The following TOP3A variants were observed in gnomAD, a reference collection of about 807,000 sequenced individuals.
TOP3A encodes the protein DNA topoisomerase III alpha.
A neutral mutation model predicts 111.3 loss-of-function variants in TOP3A; 64 were observed. The observed-to-expected ratio is 0.57, with a 90% CI of 0.47 to 0.71. TOP3A has a LOEUF of 0.71. Among genes scored for constraint, TOP3A ranks in the 30% least tolerant of loss-of-function variants. TOP3A has a pLI of 0.00. For missense variants in TOP3A, 1,104 were observed against 1,285.0 expected (o/e 0.86, Z 2.15); for synonymous variants, 484 against 485.1 (o/e 1.00, Z 0.03).
At chr17:18,284,224 G>C (rs1255864975) in intron 15 of TOP3A, among the ~76,000 whole-genome samples, 1 of 150,974 alleles carries the variant, frequency 6.6e-6, no homozygotes, top group African/African-American at 2.4e-5. Flanking sequence ...GTGTTGGCCA[G>C]GCTGGTCTTG....
chr17:18,308,728 C>T, intron 2 of TOP3A, 154 bp downstream of exon 2: 1 of 491,308 alleles, frequency 2.0e-6, no homozygotes, highest in Non-Finnish European at 3.6e-6. Flanking sequence ...AAAGAGAACT[C>T]CTCATAAATT....
At chr17:18,308,289 T>C in intron 3 of TOP3A, 62 bp downstream of exon 3, 1 of 965,824 alleles carries the variant, frequency 1.0e-6, no homozygotes. Context: ...TGCCTCAAAA[T>C]TCCTGTGAAA....
At position 18,290,776 on chromosome 17, in the gene TOP3A, C is replaced by G. The variant is rs1475044810; in HGVS notation, c.1467+66G>C. The G allele has an allele frequency of 1.9e-6, 3 of 1,592,690 alleles. No homozygotes were observed. The South Asian group carries it at 3.4e-5, about 18-fold the overall frequency. On this transcript the variant is annotated intron_variant, in intron 12 of 18. Coordinates refer to ENST00000321105, the MANE Select transcript of TOP3A (RefSeq NM_004618.5). The stretch of plus-strand genomic sequence containing the variant: ...TCATTTCAAGGAACATGATCCTGCT[C>G]CACTAGAGAACTCAGGGCTCACAAC...
At chr17:18,309,955 C>G (rs1295895317) in intron 1 of TOP3A, among the ~76,000 whole-genome samples, 2 of 151,552 alleles carry the variant, frequency 1.3e-5, no homozygotes, top group Non-Finnish European at 2.9e-5. Flanking sequence ...CGTGATCCAC[C>G]TGCCTCGGCC....
chr17:18,303,959 T>G (rs1178951252), intron 5 of TOP3A, among the ~76,000 whole-genome samples: 12 of 152,138 alleles, frequency 7.9e-5, no homozygotes, highest in Non-Finnish European at 1.0e-4. Flanking sequence ...AATACTAAAA[T>G]GCTCTTGGTG....
chr17:18,308,223 C>CAAAAAA lies in TOP3A; in HGVS notation c.314+122_314+127dup, dbSNP rs201230376. 2.1e-4 allele frequency: 52 copies of CAAAAAA among 245,766 alleles called. 3 individuals are homozygous for CAAAAAA. In the East Asian group the frequency reaches 2.5e-3, roughly 12 times the overall value. The allele number at this position is 245,766 out of a possible 1,614,324, so 15.2% of individuals were successfully genotyped here. A position where few individuals can be genotyped will look rare whatever the true frequency, so the allele number is the denominator to read the frequency against. ...TCTCACTCTGAAACTTTGTCTCCAA[C>CAAAAAA]AAAAAAAAAAAAAAAAAAAAAAAAA... On this transcript the variant is annotated intron_variant, in intron 3 of 18. Coordinates refer to ENST00000321105, the MANE Select transcript of TOP3A (RefSeq NM_004618.5).
intron 9 of TOP3A, among the ~76,000 whole-genome samples, chr17:18,298,606 T>TAGA: frequency 6.6e-6 from 1 of 151,510 alleles, no homozygotes; most frequent in East Asian, 1.9e-4. Context: ...TTTTGTGGAA[T>TAGA]AGAAAGGGGG....
Position 18,292,812 on chromosome 17 carries a change from T to C in TOP3A, c.1114A>G (p.Arg372Gly), listed in dbSNP as rs1266020530. Reference protein sequence around the residue: ...YPRTETNIFPRDLNLTVLVEQ... With the variant: ...YPRTETNIFPGDLNLTVLVEQ... ...ACCAACACCGTCAGGTTTAAGTCTC[T>C]GGGAAAAATGTTTGTTTCTGTTCGG... The change falls in exon 11 of 19, where the codon AGA becomes GGA. Residue 372 changes from arginine (R) to glycine (G), a missense_variant. Coordinates refer to ENST00000321105, the MANE Select transcript of TOP3A (RefSeq NM_004618.5). 6.2e-7 allele frequency: 1 copy of C among 1,613,766 alleles called. No homozygotes were observed. The highest frequency in any genetic ancestry group is 8.5e-7 in the Non-Finnish European group (1 of 1,179,858).
intron 2 of TOP3A, 60 bp from the exon 3 acceptor site, chr17:18,308,484 T>A: frequency 8.5e-7 from 1 of 1,182,046 alleles, no homozygotes. Context: ...TTCTGCCAAA[T>A]CATTAAAATG....
chr17:18,303,244 A>G (rs564398901), intron 5 of TOP3A, among the ~76,000 whole-genome samples: 3 of 152,306 alleles, frequency 2.0e-5, no homozygotes, highest in African/African-American at 7.2e-5. Flanking sequence ...AACCAGAGAC[A>G]CAATGCACTG....
In TOP3A at chr17:18,274,760, G is replaced by GGACA. The variant is rs1979224185; in HGVS notation, c.*38_*41dup. ...GTTAACTCATTTCTAAACACAAAGG[G>GGACA]GACAGGTCTGAGAAAGTGGCGTTCT... On this transcript the variant is annotated 3_prime_UTR_variant, in exon 19 of 19. Coordinates refer to ENST00000321105, the MANE Select transcript of TOP3A (RefSeq NM_004618.5). 4.4e-6 allele frequency: 7 copies of GGACA among 1,584,986 alleles called. No individual in the cohort carries two copies. The highest frequency in any genetic ancestry group is 6.0e-6 in the Non-Finnish European group (7 of 1,163,194).
chr17:18,308,955 ATAAG>A lies in TOP3A; in HGVS notation c.181-18_181-15del. Reference sequence around the variant, plus strand: ...AAGTCCTTCTCTCTATAAAACAAAAATAAGTAAAAAATATAAATTACGTTTAAAA... The same window carrying A: ...AAGTCCTTCTCTCTATAAAACAAAAATAAAAAATATAAATTACGTTTAAAA... On this transcript the variant is annotated splice_polypyrimidine_tract_variant and intron_variant, in intron 1 of 18. Coordinates refer to ENST00000321105, the MANE Select transcript of TOP3A (RefSeq NM_004618.5). 1 of 1,350,768 alleles carries A rather than the reference ATAAG, an allele frequency of 7.4e-7. No individual in the cohort carries two copies. The highest frequency in any genetic ancestry group is 1.0e-6 in the Non-Finnish European group (1 of 980,628). The allele number at this position is 1,350,768 out of a possible 1,614,324, so 83.7% of individuals were successfully genotyped here.
At chr17:18,302,794 T>C (rs1309633476) in intron 5 of TOP3A, 71 bp from the exon 6 acceptor site, 2 of 1,542,924 alleles carry the variant, frequency 1.3e-6, no homozygotes. Context: ...GACTCACTTT[T>C]CTTAAAGCCC....
In TOP3A at chr17:18,314,774, A is replaced by G. The variant is rs574488396; in HGVS notation, c.5T>C (p.Ile2Thr). ...GAGCGCGTAGCGGGCGACAGGAAAGATCATCCTCAGACCTCGCGCCCGGAG... is the reference window on the plus strand; with the variant it reads ...GAGCGCGTAGCGGGCGACAGGAAAGGTCATCCTCAGACCTCGCGCCCGGAG... M[I>T]FPVARYALRW... The change falls in exon 1 of 19, where the codon ATC (isoleucine) becomes ACC (threonine). Residue 2 changes from isoleucine to threonine, a missense_variant. Coordinates refer to ENST00000321105, the MANE Select transcript of TOP3A (RefSeq NM_004618.5). 4 of 1,545,004 alleles carry G rather than the reference A, an allele frequency of 2.6e-6. No individual in the cohort carries two copies. Among genetic ancestry groups the G allele is most frequent in the Admixed American group, 2.0e-5 (1 of 50,558 alleles).
At chr17:18,299,721 G>C (rs1981105119) in intron 8 of TOP3A, 88 bp from the exon 9 acceptor site, 1 of 1,260,574 alleles carries the variant, frequency 7.9e-7, no homozygotes, top group Non-Finnish European at 1.2e-6. Context: ...AATCCTTCTA[G>C]ATCACACTGA....
At chr17:18,314,575 G>C in intron 1 of TOP3A, 24 bp downstream of exon 1, 1 of 1,597,394 alleles carries the variant, frequency 6.3e-7, no homozygotes, top group Non-Finnish European at 8.6e-7. Flanking sequence ...AAGGCACGCA[G>C]CTGATCGGAA....
chr17:18,313,715 C>T (rs1366250298), intron 1 of TOP3A, among the ~76,000 whole-genome samples: 2 of 152,092 alleles, frequency 1.3e-5, no homozygotes, highest in African/African-American at 4.8e-5. Context: ...GTCACCAGGA[C>T]TTCTAGCACT....
chr17:18,274,857 C>A lies in TOP3A; in HGVS notation c.2951G>T (p.Cys984Phe). ...MGSTAKKPRK[C>F]SLCHQPGHTR... is the part of the protein sequence containing the mutation. ...GTGTCCAGGCTGGTGGCAAAGGCTGCATTTCCGGGGTTTCTTTGCTGTGGA... is the reference window on the plus strand; with the variant it reads ...GTGTCCAGGCTGGTGGCAAAGGCTGAATTTCCGGGGTTTCTTTGCTGTGGA... The change falls in exon 19 of 19, where the codon TGC (cysteine) becomes TTC (phenylalanine). Residue 984 changes from cysteine to phenylalanine, a missense_variant. Transcript: ENST00000321105. The A allele has an allele frequency of 6.2e-7, 1 of 1,614,210 alleles. No individual in the cohort carries two copies. Among genetic ancestry groups the A allele is most frequent in the Non-Finnish European group, 8.5e-7 (1 of 1,180,036 alleles).
intron 4 of TOP3A, 23 bp from the exon 5 acceptor site, chr17:18,305,243 A>G: frequency 3.2e-6 from 5 of 1,586,808 alleles, no homozygotes; most frequent in Non-Finnish European, 4.3e-6. Flanking sequence ...GTGGAATAAG[A>G]GTGGTGAGAA....
Sources: allele counts gnomAD v4.1 joint callset (sites outside exome capture counted in the v4.1 genomes callset), GRCh38; gene constraint gnomAD v4.1.1; transcripts MANE v1.5; gene names NCBI Gene and HGNC (gene_info 2026-07-23, HGNC 2026-07-21).